CNTNAP2: variants seen among roughly 807,000 people sequenced by gnomAD.
The protein encoded by CNTNAP2 is contactin associated protein 2.
A neutral mutation model predicts 155.2 loss-of-function variants in CNTNAP2; 98 were observed. The ratio of observed to expected loss-of-function variants is 0.63; its 90% CI spans 0.54 to 0.75. The LOEUF is 0.75. CNTNAP2 is among the 30% of genes least tolerant of loss of function. The pLI is 0.00. For synonymous variants in CNTNAP2, 651 were observed against 631.2 expected, an observed-to-expected ratio of 1.03 and a Z score of -0.47; for missense variants, 1,727 against 1,688.1, an observed-to-expected ratio of 1.02 and a Z score of -0.40.
chr7:146,673,138 C>A (rs926756815), intron 1 of CNTNAP2, among the ~76,000 whole-genome samples: 1 of 151,974 alleles, frequency 6.6e-6, no homozygotes, highest in Non-Finnish European at 1.5e-5. Context: ...CTTTGATATT[C>A]AAATAACCTT....
intron 1 of CNTNAP2, among the ~76,000 whole-genome samples, chr7:146,527,536 T>G (rs368910388): frequency 6.7e-6 from 1 of 150,096 alleles, no homozygotes; most frequent in East Asian, 1.9e-4. Context: ...TTTGTAAGGG[T>G]ATATATAGAC....
rs539622185 is a variant in CNTNAP2 at position 147,813,364 on chromosome 7, C to G, written c.2099-90201C>G. On this transcript the variant is annotated intron_variant, in intron 13 of 23. Transcript: ENST00000361727. Reference sequence around the variant, plus strand: ...CCTAGAATCTCAGAGAAGAAGAAAGCCTTTTTAGATGAAAAAGATAGTCAT... The same window carrying G: ...CCTAGAATCTCAGAGAAGAAGAAAGGCTTTTTAGATGAAAAAGATAGTCAT... 7.2e-5 allele frequency among the ~76,000 whole-genome samples: 11 copies of G among 152,226 alleles called. No homozygotes were observed. The Middle Eastern group carries it at 0.01, about 141-fold the overall frequency.
rs958722970 is a variant in CNTNAP2, at chr7:148,373,371, G to A, written c.3476-10278G>A. Among the ~76,000 whole-genome samples, 7 of 152,196 alleles carry A rather than the reference G, an allele frequency of 4.6e-5. No homozygotes were observed. In the South Asian group the frequency reaches 6.2e-4, roughly 14 times the overall value. On this transcript the variant is annotated intron_variant, in intron 21 of 23. Transcript: ENST00000361727. ...CTTGGGAGGCTGAGGCACAAGAATC[G>A]CTTGAACCCAGTAGGTGGAAGTTGT...
chr7:147,329,806 T>C (rs777931515), intron 9 of CNTNAP2, among the ~76,000 whole-genome samples: 2 of 152,186 alleles, frequency 1.3e-5, no homozygotes, highest in South Asian at 2.1e-4. Flanking sequence ...CTCTACTCTT[T>C]TGTTAGGTCC....
chr7:148,184,335 G>A (rs1054249159), intron 18 of CNTNAP2, among the ~76,000 whole-genome samples: 1 of 152,212 alleles, frequency 6.6e-6, no homozygotes, highest in East Asian at 1.9e-4. Context: ...TGTTAAAAGA[G>A]GTCTTCTAAA....
intron 13 of CNTNAP2, among the ~76,000 whole-genome samples, chr7:147,812,582 GC>G (rs199497678): frequency 0.011 from 1,714 of 150,530 alleles, 94 homozygotes; most frequent in Admixed American, 0.09. Flanking sequence ...ACTTTCAGCT[GC>G]CCCCTCCCCA....
intron 21 of CNTNAP2, among the ~76,000 whole-genome samples, chr7:148,273,345 G>A (rs1226597931): frequency 6.6e-6 from 1 of 152,134 alleles, no homozygotes; most frequent in Non-Finnish European, 1.5e-5. Flanking sequence ...AGGGTTCCTT[G>A]ATATAAAACA....
At chr7:146,753,021 G>C (rs1350965771) in intron 1 of CNTNAP2, among the ~76,000 whole-genome samples, 1 of 152,124 alleles carries the variant, frequency 6.6e-6, no homozygotes, top group African/African-American at 2.4e-5. Flanking sequence ...AGAGTTCATA[G>C]AGCCTGACTT....
intron 3 of CNTNAP2, among the ~76,000 whole-genome samples, chr7:146,979,863 A>G (rs1490949157): frequency 6.6e-6 from 1 of 152,240 alleles, no homozygotes; most frequent in Non-Finnish European, 1.5e-5. Context: ...AATATAAATC[A>G]GATGATGAAG....
At chr7:148,047,286 C>T (rs893763660) in intron 15 of CNTNAP2, among the ~76,000 whole-genome samples, 1 of 151,164 alleles carries the variant, frequency 6.6e-6, no homozygotes, top group East Asian at 1.9e-4. Context: ...CCTCTGGTCA[C>T]AGTATATTCA....
At chr7:146,837,762 T>C (rs1351070734) in intron 2 of CNTNAP2, among the ~76,000 whole-genome samples, 2 of 152,186 alleles carry the variant, frequency 1.3e-5, no homozygotes, top group Non-Finnish European at 2.9e-5. Context: ...TTTGCTCAGG[T>C]GTGTCCAGAC....
chr7:146,120,702 G>A (rs977583494), intron 1 of CNTNAP2, among the ~76,000 whole-genome samples: 11 of 151,992 alleles, frequency 7.2e-5, no homozygotes, highest in Non-Finnish European at 1.2e-4. Flanking sequence ...TTTTCATCTT[G>A]TATATTATAT....
Position 147,075,034 on chromosome 7 carries a change from G to A in CNTNAP2, c.550+30980G>A, listed in dbSNP as rs538900419. 5.9e-5 allele frequency among the ~76,000 whole-genome samples: 9 copies of A among 152,276 alleles called. 1 individual carries two copies. Among genetic ancestry groups the A allele is most frequent in the East Asian group, 3.9e-4 (2 of 5,184 alleles). The stretch of plus-strand genomic sequence containing the variant: ...CCATTTTAGGAAGTTGTCAAACACC[G>A]TTAAGAGTACACAGTAATGTTATTC... On this transcript the variant is annotated intron_variant, in intron 4 of 23. Coordinates refer to ENST00000361727, the MANE Select transcript of CNTNAP2 (RefSeq NM_014141.6).
intron 1 of CNTNAP2, among the ~76,000 whole-genome samples, chr7:146,524,258 A>G (rs1797656407): frequency 1.3e-5 from 2 of 152,144 alleles, no homozygotes; most frequent in Non-Finnish European, 2.9e-5. Flanking sequence ...CTGGTAAAAT[A>G]TCTGCTCTTT....
chr7:148,036,903 G>C (rs1412393391), intron 15 of CNTNAP2, among the ~76,000 whole-genome samples: 2 of 151,996 alleles, frequency 1.3e-5, no homozygotes, highest in Non-Finnish European at 2.9e-5. Context: ...TTTTTTAAAT[G>C]TAAATGTGAC....
chr7:148,269,846 A>T (rs1796742602), intron 21 of CNTNAP2, among the ~76,000 whole-genome samples: 1 of 152,216 alleles, frequency 6.6e-6, no homozygotes, highest in African/African-American at 2.4e-5. Flanking sequence ...GGTTCAGTTG[A>T]GAATACTTTA....
At chr7:147,170,435 T>A (rs1802203620) in intron 8 of CNTNAP2, among the ~76,000 whole-genome samples, 1 of 152,112 alleles carries the variant, frequency 6.6e-6, no homozygotes, top group Admixed American at 6.5e-5. Flanking sequence ...TTTGTTTGTT[T>A]GTTTGTTTGA....
At chr7:147,392,497 C>T (rs1481015127) in intron 9 of CNTNAP2, among the ~76,000 whole-genome samples, 1 of 151,898 alleles carries the variant, frequency 6.6e-6, no homozygotes, top group Non-Finnish European at 1.5e-5. Flanking sequence ...GTCTTTTATC[C>T]TTCACCCCTC....
chr7:148,242,693 AT>A (rs1796181085), intron 20 of CNTNAP2, among the ~76,000 whole-genome samples: 1 of 152,192 alleles, frequency 6.6e-6, no homozygotes, highest in Admixed American at 6.5e-5. Context: ...ACGCTTTCAC[AT>A]CTCACTGCTC....
Sources: gnomAD v4.1 joint callset for allele counts (sites outside exome capture counted in the v4.1 genomes callset) on GRCh38, gnomAD v4.1.1 for gene constraint, MANE v1.5 for transcripts, NCBI Gene and HGNC (gene_info 2026-07-23, HGNC 2026-07-21) for gene names.